IFT88: variants seen among roughly 807,000 people sequenced by gnomAD.
The protein encoded by IFT88 is intraflagellar transport protein 88 homolog.
A neutral mutation model predicts 119.5 loss-of-function variants in IFT88; 74 were observed. The observed-to-expected ratio is 0.62, with a 90% CI of 0.51 to 0.75. The LOEUF (loss-of-function observed/expected upper bound fraction) is 0.75, where lower values mean the gene tolerates loss of function less well. Ranked by LOEUF, IFT88 falls within the 30% of genes least tolerant of loss-of-function variation. The probability of loss-of-function intolerance (pLI) is 0.00; values close to 1 mark genes in which losing one functional copy is unlikely to be tolerated. For missense variants in IFT88, 961 were observed against 977.7 expected (o/e 0.98, Z 0.23); for synonymous variants, 279 against 316.7 (o/e 0.88, Z 1.26).
intron 9 of IFT88, among the ~76,000 whole-genome samples, chr13:20,598,079 A>C (rs2042050528): frequency 6.6e-6 from 1 of 152,142 alleles, no homozygotes; most frequent in South Asian, 2.1e-4. Context: ...TATGCTAAAC[A>C]CATAGGAAAA....
At position 20,658,435 on chromosome 13, in the gene IFT88, G is replaced by A. The variant is rs537082358; in HGVS notation, c.2068+2005G>A. 4.6e-5 allele frequency among the ~76,000 whole-genome samples: 7 copies of A among 152,244 alleles called. No individual in the cohort carries two copies. The South Asian group carries it at 1.5e-3, about 32-fold the overall frequency. On this transcript the variant is annotated intron_variant, in intron 22 of 25. Transcript: ENST00000351808. ...CCCTACCTAGAAAGATTTTCATTTA[G>A]ATTTACAGTGGATGCAGGCGTCTGT...
chr13:20,578,357 AC>A (rs1426416674), intron 2 of IFT88, among the ~76,000 whole-genome samples: 2 of 63,736 alleles, frequency 3.1e-5, no homozygotes, highest in Admixed American at 1.5e-4. Flanking sequence ...CAGTCTTGTT[AC>A]TTTTTTTTTT....
At chr13:20,602,745 T>C (rs2497476) in intron 12 of IFT88, among the ~76,000 whole-genome samples, 24,970 of 151,822 alleles carry the variant, frequency 0.16, 2,401 homozygotes, top group African/African-American at 0.25. Context: ...TAGCTGGGTA[T>C]GGTGGTGGGC....
chr13:20,632,692 A>G (rs962948075), intron 16 of IFT88, among the ~76,000 whole-genome samples: 1 of 152,052 alleles, frequency 6.6e-6, no homozygotes, highest in African/African-American at 2.4e-5. Flanking sequence ...CTCCTAGAAT[A>G]TTTTGTTTGT....
intron 21 of IFT88, among the ~76,000 whole-genome samples, chr13:20,654,682 G>T (rs983066523): frequency 6.6e-5 from 10 of 152,148 alleles, no homozygotes; most frequent in African/African-American, 2.2e-4. Context: ...CTTCAGAATG[G>T]CATCAGAAAT....
rs767243368 is a variant in IFT88, at chr13:20,574,441, G to A, written c.56G>A (p.Gly19Asp). The A allele has an allele frequency of 1.9e-6, 3 of 1,610,574 alleles. No individual in the cohort carries two copies. Among genetic ancestry groups the A allele is most frequent in the Non-Finnish European group, 2.5e-6 (3 of 1,177,480 alleles). ...PETDEDDLYS[G>D]YNDYNPIYDI... ...ACAGATGAAGATGATCTTTATTCCG[G>A]CTATAATGACTACAATCCAATCTAT... is the stretch of plus-strand genomic sequence containing the variant. The change falls in exon 2 of 26, where the codon GGC becomes GAC. Residue 19 changes from glycine to aspartate, a missense_variant. Physicochemically the swap from Gly to Asp is moderately conservative, Grantham distance 94 (BLOSUM62 -1). Coordinates refer to ENST00000351808, the MANE Select transcript of IFT88 (RefSeq NM_006531.5).
intron 13 of IFT88, among the ~76,000 whole-genome samples, chr13:20,609,763 GA>G (rs869262969): frequency 2.1e-5 from 3 of 142,412 alleles, no homozygotes; most frequent in Non-Finnish European, 4.6e-5. Flanking sequence ...CAAACAAACA[GA>G]AAAAAAACAA....
chr13:20,630,602 A>C (rs557395263), intron 15 of IFT88, among the ~76,000 whole-genome samples: 19 of 152,184 alleles, frequency 1.2e-4, no homozygotes, highest in African/African-American at 4.6e-4. Flanking sequence ...TCTCACGCCT[A>C]TGCCCAGTCT....
intron 16 of IFT88, chr13:20,632,161 G>A (rs1372035123): frequency 2.7e-5 from 4 of 145,902 alleles, no homozygotes; most frequent in Non-Finnish European, 6.0e-5. Context: ...AAAAAAAATT[G>A]TAGATTTTCA....
intron 10 of IFT88, among the ~76,000 whole-genome samples, chr13:20,598,966 T>C (rs1186432395): frequency 6.6e-6 from 1 of 152,046 alleles, no homozygotes; most frequent in African/African-American, 2.4e-5. Flanking sequence ...CCTAATAGTA[T>C]CCTGTTATCA....
intron 2 of IFT88, among the ~76,000 whole-genome samples, chr13:20,576,725 TG>T (rs1193182072): frequency 1.3e-5 from 2 of 152,242 alleles, no homozygotes; most frequent in African/African-American, 4.8e-5. Flanking sequence ...TCCATTAGTC[TG>T]TCTGTTTTTA....
intron 24 of IFT88, among the ~76,000 whole-genome samples, chr13:20,680,225 A>G (rs943592955): frequency 5.3e-5 from 8 of 152,208 alleles, no homozygotes; most frequent in African/African-American, 1.2e-4. Flanking sequence ...TTCAGGCACT[A>G]TCGCCAGCCA....
intron 14 of IFT88, among the ~76,000 whole-genome samples, chr13:20,616,293 C>T (rs1324878619): frequency 2.0e-5 from 3 of 152,098 alleles, no homozygotes; most frequent in South Asian, 2.1e-4. Flanking sequence ...ATATCCTAGG[C>T]CTTCACATTC....
intron 25 of IFT88, 90 bp from the exon 26 acceptor site, chr13:20,690,964 A>T (rs2058411425): frequency 3.4e-6 from 5 of 1,490,850 alleles, no homozygotes; most frequent in Non-Finnish European, 4.6e-6. Flanking sequence ...GTTCACTCTG[A>T]GTTATTCATT....
intron 13 of IFT88, among the ~76,000 whole-genome samples, chr13:20,610,731 T>G (rs1447663472): frequency 6.6e-6 from 1 of 151,174 alleles, no homozygotes; most frequent in African/African-American, 2.4e-5. Flanking sequence ...TATATGAACA[T>G]AGACTCAAAA....
intron 24 of IFT88, among the ~76,000 whole-genome samples, chr13:20,674,943 G>A (rs1220068509): frequency 2.6e-5 from 4 of 151,644 alleles, no homozygotes; most frequent in African/African-American, 9.7e-5. Flanking sequence ...TCGATCTCCT[G>A]ACCTCGTGAT....
rs1215790033 is a variant in IFT88, at chr13:20,663,523, C to T, written c.2094C>T (p.Cys698=). ...GTCTGCGTTTCTTAGTTCGTCTCTG[C>T]ACAGATCTTGGATTAAAAGATGCTC... ...VECLRFLVRL[C]TDLGLKDAQE... Residue 698 remains cysteine (C), a synonymous_variant, in exon 23 of 26, where the codon TGC becomes TGT. Transcript: ENST00000351808. 1 of 1,613,708 alleles carries T rather than the reference C, an allele frequency of 6.2e-7. No individual in the cohort carries two copies. Among genetic ancestry groups the T allele is most frequent in the East Asian group, 2.2e-5 (1 of 44,856 alleles).
intron 9 of IFT88, among the ~76,000 whole-genome samples, chr13:20,597,478 C>A (rs542810062): frequency 4.6e-5 from 7 of 152,112 alleles, no homozygotes; most frequent in Non-Finnish European, 7.3e-5. Flanking sequence ...GGTGCCGTGG[C>A]TCACGCCTGT....
intron 24 of IFT88, among the ~76,000 whole-genome samples, chr13:20,683,241 T>G (rs1566479706): frequency 1.3e-5 from 2 of 152,186 alleles, no homozygotes; most frequent in East Asian, 3.9e-4. Flanking sequence ...TTTAAAGGTA[T>G]AGGTTCTGGA....
Sources: allele counts gnomAD v4.1 joint callset (sites outside exome capture counted in the v4.1 genomes callset), GRCh38; gene constraint gnomAD v4.1.1; transcripts MANE v1.5; gene names NCBI Gene and HGNC (gene_info 2026-07-23, HGNC 2026-07-21).